The following RAD51B variants were observed in gnomAD, a reference collection of about 807,000 sequenced individuals.
RAD51B encodes the protein RAD51 paralog B.
RAD51B carries 38 observed loss-of-function variants against 42.2 expected under a neutral mutation model. That is an observed-to-expected ratio of 0.90 (90% CI 0.70 to 1.18). The LOEUF (loss-of-function observed/expected upper bound fraction) is 1.18, where lower values mean the gene tolerates loss of function less well. RAD51B is among the 50% of genes most tolerant of loss of function. RAD51B has a pLI of 0.00. For synonymous variants in RAD51B, 154 were observed against 145.2 expected, an observed-to-expected ratio of 1.06 and a Z score of -0.43; for missense variants, 373 against 400.7, an observed-to-expected ratio of 0.93 and a Z score of 0.59.
chr14:68,006,680 G>A (rs970777293), intron 7 of RAD51B, among the ~76,000 whole-genome samples: 4 of 151,986 alleles, frequency 2.6e-5, no homozygotes, highest in African/African-American at 9.7e-5. Context: ...ATAATATTAT[G>A]TGATAATATA....
chr14:68,675,778 G>C (rs1893290102), intron 11 of RAD51B, among the ~76,000 whole-genome samples: 1 of 152,204 alleles, frequency 6.6e-6, no homozygotes, highest in Non-Finnish European at 1.5e-5. Flanking sequence ...GGTTAGCCCA[G>C]GCATTGTTCT....
chr14:68,395,939 G>A (rs930712706), intron 8 of RAD51B, among the ~76,000 whole-genome samples: 11 of 152,192 alleles, frequency 7.2e-5, no homozygotes, highest in African/African-American at 1.9e-4. Flanking sequence ...CGAGTCCGTG[G>A]TAATGTCATG....
intron 7 of RAD51B, among the ~76,000 whole-genome samples, chr14:68,141,460 C>T (rs1447231717): frequency 2.0e-5 from 3 of 152,138 alleles, no homozygotes; most frequent in Non-Finnish European, 2.9e-5. Flanking sequence ...ATGATAAATT[C>T]CCTGGCAAGA....
At chr14:67,819,916 C>A (rs184063792) in intron 1 of RAD51B, 63 bp downstream of exon 1, 14 of 152,276 alleles carry the variant, frequency 9.2e-5, no homozygotes, top group African/African-American at 2.6e-4. Context: ...TTATTTCCTG[C>A]TCCTTCCCTA....
chr14:68,316,232 A>G (rs2082058929), intron 8 of RAD51B, among the ~76,000 whole-genome samples: 1 of 152,192 alleles, frequency 6.6e-6, no homozygotes, highest in Non-Finnish European at 1.5e-5. Context: ...TCACCTACCC[A>G]AGGGAGTCTG....
chr14:68,326,083 C>T (rs555329139), intron 8 of RAD51B, among the ~76,000 whole-genome samples: 3 of 125,832 alleles, frequency 2.4e-5, no homozygotes, highest in African/African-American at 5.9e-5. Context: ...GCTTGTTTCC[C>T]AGGCTGGAGT....
At chr14:68,600,249 C>T (rs750973357), downstream of RAD51B, among the ~76,000 whole-genome samples, 14 of 152,266 alleles carry the variant, frequency 9.2e-5, no homozygotes, top group South Asian at 2.1e-4. Context: ...CAAAAGAGGC[C>T]GATACAATGC....
chr14:68,064,516 C>A (rs1475452653), intron 7 of RAD51B, among the ~76,000 whole-genome samples: 1 of 151,980 alleles, frequency 6.6e-6, no homozygotes, highest in Non-Finnish European at 1.5e-5. Flanking sequence ...TAGTTCTCAG[C>A]TATTATTTTA....
intron 10 of RAD51B, among the ~76,000 whole-genome samples, chr14:68,553,578 G>T (rs1296287413): frequency 6.6e-6 from 1 of 152,138 alleles, no homozygotes; most frequent in Non-Finnish European, 1.5e-5. Context: ...AAGCAAACAA[G>T]GGCTTAACCA....
intron 10 of RAD51B, among the ~76,000 whole-genome samples, chr14:68,514,127 C>T (rs1484202864): frequency 6.6e-6 from 1 of 152,206 alleles, no homozygotes; most frequent in Non-Finnish European, 1.5e-5. Context: ...AGTCATTCAA[C>T]GTCTCTGAGC....
intron 7 of RAD51B, among the ~76,000 whole-genome samples, chr14:67,893,525 G>C (rs1430509899): frequency 7.4e-6 from 1 of 135,278 alleles, no homozygotes; most frequent in Non-Finnish European, 1.6e-5. Flanking sequence ...AAAACAATTA[G>C]CTGGGTGTGG....
downstream of RAD51B, among the ~76,000 whole-genome samples, chr14:68,596,973 C>T (rs1011875321): frequency 6.6e-6 from 1 of 152,216 alleles, no homozygotes; most frequent in African/African-American, 2.4e-5. Context: ...GGTGAGATGG[C>T]GGCTTTTCTC....
chr14:68,488,584 C>T (rs1040682727), intron 10 of RAD51B, among the ~76,000 whole-genome samples: 2 of 152,190 alleles, frequency 1.3e-5, no homozygotes, highest in Admixed American at 1.3e-4. Flanking sequence ...ATCACCCTTG[C>T]CTGCCTTCAG....
chr14:68,426,885 C>A (rs1324599504), intron 9 of RAD51B, among the ~76,000 whole-genome samples: 1 of 152,142 alleles, frequency 6.6e-6, no homozygotes, highest in African/African-American at 2.4e-5. Flanking sequence ...AGATGGTTTC[C>A]AGGGACAGAC....
intron 9 of RAD51B, among the ~76,000 whole-genome samples, chr14:68,420,788 C>T (rs1441102290): frequency 6.6e-6 from 1 of 152,204 alleles, no homozygotes; most frequent in East Asian, 1.9e-4. Flanking sequence ...CTTGGAATGC[C>T]TAACCTCCTG....
intron 11 of RAD51B, among the ~76,000 whole-genome samples, chr14:68,676,759 C>T (rs976395815): frequency 1.3e-5 from 2 of 152,214 alleles, no homozygotes; most frequent in Non-Finnish European, 2.9e-5. Context: ...AGCAAAGAGC[C>T]CAGTGTGTTT....
At position 68,484,141 on chromosome 14, in the gene RAD51B, C is replaced by G. The variant is rs527717441; in HGVS notation, c.1036+15891C>G. 1.5e-4 allele frequency among the ~76,000 whole-genome samples: 23 copies of G among 152,218 alleles called. No homozygotes were observed. In the South Asian group the frequency reaches 4.8e-3, roughly 32 times the overall value. On this transcript the variant is annotated intron_variant, in intron 10 of 10. Coordinates refer to the RAD51B transcript ENST00000487270. ...TTCGCGTACCCTGAGGTGATAAGAA[C>G]AAAGGAGAAATTAGGTCACCCTGTT...
At chr14:68,262,813 C>T (rs781463704) in intron 7 of RAD51B, among the ~76,000 whole-genome samples, 3 of 152,142 alleles carry the variant, frequency 2.0e-5, no homozygotes, top group Non-Finnish European at 4.4e-5. Context: ...ACAGGCCTTG[C>T]TAAATTCCCT....
intron 10 of RAD51B, among the ~76,000 whole-genome samples, chr14:68,622,736 A>AC (rs963174285): frequency 6.6e-6 from 1 of 151,746 alleles, no homozygotes; most frequent in African/African-American, 2.4e-5. Context: ...AAAAAAAAAA[A>AC]AAAAAAACTG....
Sources: gnomAD v4.1 joint callset for allele counts (sites outside exome capture counted in the v4.1 genomes callset) on GRCh38, gnomAD v4.1.1 for gene constraint, MANE v1.5 for transcripts, NCBI Gene and HGNC (gene_info 2026-07-23, HGNC 2026-07-21) for gene names.